BCAR1: variants seen among roughly 807,000 people sequenced by gnomAD.
BCAR1 encodes the protein BCAR1 scaffold protein, Cas family member.
A neutral mutation model predicts 67.6 loss-of-function variants in BCAR1; 30 were observed. That is an observed-to-expected ratio of 0.44 (90% CI 0.33 to 0.60). The LOEUF (loss-of-function observed/expected upper bound fraction) is 0.60, where lower values mean the gene tolerates loss of function less well. Among genes scored for constraint, BCAR1 ranks in the 20% least tolerant of loss-of-function variants. BCAR1 has a pLI of 0.02. For missense variants in BCAR1, 1,313 were observed against 1,222.3 expected, an observed-to-expected ratio of 1.07 and a Z score of -1.11; for synonymous variants, 626 against 556.7, an observed-to-expected ratio of 1.12 and a Z score of -1.75.
chr16:75,250,319 G>A (rs1385641986), intron 1 of BCAR1, among the ~76,000 whole-genome samples: 1 of 152,018 alleles, frequency 6.6e-6, no homozygotes, highest in Non-Finnish European at 1.5e-5. Flanking sequence ...GATTCTCCAG[G>A]CACCCCGACA....
Position 75,242,604 on chromosome 16 carries a change from C to T in BCAR1, c.499G>A (p.Val167Met). 1.3e-6 allele frequency: 2 copies of T among 1,499,752 alleles called. No individual in the cohort carries two copies. Among genetic ancestry groups the T allele is most frequent in the Non-Finnish European group, 1.8e-6 (2 of 1,125,190 alleles). The allele number at this position is 1,499,752 out of a possible 1,614,324, so 92.9% of individuals were successfully genotyped here. Residue 167 changes from valine (V) to methionine (M), a missense_variant, in exon 2 of 7, where the codon GTG becomes ATG. This residue lies in a region of BCAR1 where 1,272 missense variants were observed against 1,137.5 expected (regional missense o/e 1.12). Coordinates refer to ENST00000162330, the MANE Select transcript of BCAR1 (RefSeq NM_014567.5). ...GCAGGGCCTCCAGGCCCTGGGGGCACCTGGTACAGGTCTGTGGCCGGGCTG... is the reference window on the plus strand; with the variant it reads ...GCAGGGCCTCCAGGCCCTGGGGGCATCTGGTACAGGTCTGTGGCCGGGCTG... ...FPSPATDLYQ[V>M]PPGPGGPAQD...
At position 75,235,126 on chromosome 16, in the gene BCAR1, C is replaced by G; in HGVS notation, c.1773G>C (p.Lys591Asn). The G allele has an allele frequency of 6.2e-7, 1 of 1,610,354 alleles. No homozygotes were observed. The highest frequency in any genetic ancestry group is 8.5e-7 in the Non-Finnish European group (1 of 1,179,976). ...TGCCGTGCAGGAAGGAGGCCAGCTG[C>G]TTGGCGTCCTCGGGCACAGCCCGCG... is the stretch of plus-strand genomic sequence containing the variant. ...ACSRAVPEDAKQLASFLHGNA... is the reference protein window; with the variant it reads ...ACSRAVPEDANQLASFLHGNA... The change falls in exon 5 of 7, where the codon AAG (lysine) becomes AAC (asparagine). Residue 591 changes from lysine to asparagine, a missense_variant. Lys to Asn is a moderately conservative substitution (Grantham distance 94, BLOSUM62 0). Around this residue, in one of 2 missense-constraint regions of BCAR1, gnomAD observed 1,272 missense variants for 1,137.5 expected, o/e 1.12. Transcript: ENST00000162330.
At chr16:75,251,239 G>A (rs1480645790) in intron 1 of BCAR1, among the ~76,000 whole-genome samples, 3 of 151,870 alleles carry the variant, frequency 2.0e-5, no homozygotes, top group African/African-American at 7.3e-5. Flanking sequence ...ACCGGCTGGC[G>A]GCCCCCGCGC....
rs777311513 is a variant in BCAR1, at chr16:75,235,734, C to T, written c.1165G>A (p.Val389Met). The part of the protein sequence containing the change: ...RRPGPGTLYD[V>M]PRERVLPPEV... ...GGAGGAAGCACCCGTTCACGGGGCA[C>T]ATCGTACAGGGTGCCCGGGCCAGGC... The change falls in exon 5 of 7, where the codon GTG (valine) becomes ATG (methionine). Residue 389 changes from valine (V) to methionine (M), a missense_variant. Coordinates refer to ENST00000162330, the MANE Select transcript of BCAR1 (RefSeq NM_014567.5). 2 of 1,603,456 alleles carry T rather than the reference C, an allele frequency of 1.2e-6. No individual in the cohort carries two copies. The highest frequency in any genetic ancestry group is 1.3e-5 in the African/African-American group (1 of 74,798).
chr16:75,232,924 C>A (rs529236483), intron 6 of BCAR1, among the ~76,000 whole-genome samples: 2 of 152,158 alleles, frequency 1.3e-5, no homozygotes, highest in Admixed American at 1.3e-4. Flanking sequence ...ATGTTCACTT[C>A]GTGCTATCCT....
At chr16:75,240,689 G>A (rs999084765) in intron 2 of BCAR1, among the ~76,000 whole-genome samples, 4 of 152,166 alleles carry the variant, frequency 2.6e-5, no homozygotes, top group Non-Finnish European at 4.4e-5. Flanking sequence ...TAAAATACAA[G>A]CAGACACAAT....
intron 6 of BCAR1, among the ~76,000 whole-genome samples, 187 bp from the exon 7 acceptor site, chr16:75,230,210 G>A (rs1031217822): frequency 2.6e-5 from 4 of 152,184 alleles, no homozygotes; most frequent in African/African-American, 9.7e-5. Flanking sequence ...CCTTCTGGAG[G>A]TTGTTCAGTT....
chr16:75,263,545 A>G, intron 1 of BCAR1: 14 of 985,404 alleles, frequency 1.4e-5, no homozygotes, highest in Non-Finnish European at 1.7e-5. Context: ...ATGTGAGTCA[A>G]ATGACAAGGT....
intron 1 of BCAR1, chr16:75,248,165 G>A (rs1328190539): frequency 6.3e-7 from 1 of 1,585,050 alleles, no homozygotes; most frequent in Non-Finnish European, 8.5e-7. Flanking sequence ...GTGGAGCTGG[G>A]TGGCTCCACT....
At position 75,235,427 on chromosome 16, in the gene BCAR1, C is replaced by A. The variant is rs16957558; in HGVS notation, c.1472G>T (p.Arg491Leu). The A allele has an allele frequency of 5.0e-3, 7,997 of 1,608,120 alleles. 407 individuals carry two copies. The African/African-American group carries it at 0.096, about 19-fold the overall frequency. The change falls in exon 5 of 7, where the codon CGT becomes CTT. Residue 491 changes from arginine to leucine, a missense_variant. Arg to Leu is a moderately radical substitution (Grantham distance 102). This residue lies in a region of BCAR1 where 1,272 missense variants were observed against 1,137.5 expected (regional missense o/e 1.12). Coordinates refer to ENST00000162330, the MANE Select transcript of BCAR1 (RefSeq NM_014567.5). ...AGSAGATGSW[R>L]SPSEPQEPLV... ...CGGCTCCTGTGGCTCAGAGGGGCTA[C>A]GCCAGCTCCCAGTCGCACCGGCGCT... is the stretch of plus-strand genomic sequence containing the variant.
In BCAR1 at chr16:75,235,837, G is replaced by C. The variant is rs763311832; in HGVS notation, c.1062C>G (p.Asp354Glu). 1.5e-5 allele frequency: 24 copies of C among 1,573,738 alleles called. No individual in the cohort carries two copies. Among genetic ancestry groups the C allele is most frequent in the Admixed American group, 3.7e-5 (2 of 53,530 alleles). ...CATACACGTCCTCGGCCGGCGGGGA[G>C]TCTGGAGGGGGCGCAGCCAGTACCA... The part of the protein sequence containing the change: ...TPLVLAAPPP[D>E]SPPAEDVYDV... Residue 354 changes from aspartate (D) to glutamate (E), a missense_variant, in exon 5 of 7, where the codon GAC (aspartate) becomes GAG (glutamate). Asp to Glu is a conservative substitution (Grantham distance 45, BLOSUM62 2). Around this residue, in one of 2 missense-constraint regions of BCAR1, gnomAD observed 1,272 missense variants for 1,137.5 expected, o/e 1.12. Coordinates refer to ENST00000162330, the MANE Select transcript of BCAR1 (RefSeq NM_014567.5).
At chr16:75,255,690 CA>C (rs537559935), upstream of BCAR1, among the ~76,000 whole-genome samples, 155 of 141,536 alleles carry the variant, frequency 1.1e-3, 4 homozygotes, top group South Asian at 0.031. Context: ...GGCTCCATCT[CA>C]AAAAAAAAAA....
chr16:75,237,368 C>A, intron 2 of BCAR1, 24 bp from the exon 3 acceptor site: 1 of 1,446,018 alleles, frequency 6.9e-7, no homozygotes, highest in Non-Finnish European at 9.1e-7. Context: ...GCCGACTTCA[C>A]TGCTGCCCTC....
upstream of BCAR1, chr16:75,252,280 C>A (rs530330351): frequency 2.1e-5 from 33 of 1,536,736 alleles, no homozygotes; most frequent in African/African-American, 4.4e-4. Context: ...GCTGGTCCTC[C>A]AGCTGATCTG....
chr16:75,230,299 G>T (rs2076856983), intron 6 of BCAR1, among the ~76,000 whole-genome samples: 1 of 152,144 alleles, frequency 6.6e-6, no homozygotes, highest in Non-Finnish European at 1.5e-5. Context: ...CAGAAAAGTG[G>T]CTGCCTGGGG....
chr16:75,267,790 A>G, intron 1 of BCAR1: 1 of 1,003,480 alleles, frequency 1.0e-6, no homozygotes, highest in Admixed American at 2.2e-5. Context: ...AGGGGCGCAG[A>G]TGGAGCTGGA....
intron 2 of BCAR1, chr16:75,237,946 G>T: frequency 1.0e-6 from 1 of 1,002,702 alleles, no homozygotes; most frequent in Non-Finnish European, 1.4e-6. Flanking sequence ...GGGGGGCGCA[G>T]CAGCTGGGAC....
At position 75,242,785 on chromosome 16, in the gene BCAR1, G is replaced by C. The variant is rs763140026; in HGVS notation, c.318C>G (p.Thr106=). ...AGACGCTGTCTGGCTGGGGCTGGTA[G>C]GTGTTGGGGAGCATGGGCGTGTACT... ...ASQYTPMLPN[T]YQPQPDSVYL... The change falls in exon 2 of 7, where the codon ACC becomes ACG. Residue 106 remains threonine, a synonymous_variant. Transcript: ENST00000162330. 6 of 1,598,776 alleles carry C rather than the reference G, an allele frequency of 3.8e-6. No individual in the cohort carries two copies. The East Asian group carries it at 1.3e-4, about 36-fold the overall frequency.
intron 2 of BCAR1, among the ~76,000 whole-genome samples, chr16:75,239,362 C>A (rs1171547016): frequency 6.6e-6 from 1 of 152,146 alleles, no homozygotes; most frequent in East Asian, 1.9e-4. Context: ...ACAGCACAGG[C>A]CCACTGCCAG....
Sources: gnomAD v4.1 joint callset for allele counts (sites outside exome capture counted in the v4.1 genomes callset) on GRCh38, gnomAD v4.1.1 for gene constraint, gnomAD v4.1.1 regional missense constraint, MANE v1.5 for transcripts, NCBI Gene and HGNC (gene_info 2026-07-23, HGNC 2026-07-21) for gene names.